Variants in ZCCHC17 observed in about 807,000 individuals in gnomAD.
ZCCHC17 encodes zinc finger CCHC domain-containing protein 17.
Under a neutral mutation model 30.6 loss-of-function variants are expected in ZCCHC17, and 18 were observed. The observed-to-expected ratio is 0.59, with a 90% CI of 0.41 to 0.87. The LOEUF (loss-of-function observed/expected upper bound fraction) is 0.87. Ranked by LOEUF, ZCCHC17 falls within the 40% of genes least tolerant of loss-of-function variation. ZCCHC17 has a pLI of 0.00. For synonymous variants in ZCCHC17, 88 were observed against 92.4 expected (o/e 0.95, Z 0.27); for missense variants, 263 against 284.2 (o/e 0.93, Z 0.54).
intron 1 of ZCCHC17, among the ~76,000 whole-genome samples, chr1:31,301,459 A>G (rs61780094): frequency 0.13 from 20,332 of 152,256 alleles, 1,506 homozygotes; most frequent in Non-Finnish European, 0.15. Flanking sequence ...TCAAGAAGAG[A>G]ATTATTGAAT....
intron 1 of ZCCHC17, among the ~76,000 whole-genome samples, chr1:31,308,039 C>G (rs1557426923): frequency 6.6e-6 from 1 of 152,136 alleles, no homozygotes; most frequent in Admixed American, 6.5e-5. Flanking sequence ...ATTAGTAACT[C>G]CTGTTCTAGC....
chr1:31,321,526 G>A (rs1646861242), intron 3 of ZCCHC17, among the ~76,000 whole-genome samples: 1 of 152,192 alleles, frequency 6.6e-6, no homozygotes, highest in African/African-American at 2.4e-5. Flanking sequence ...CCAGGCTAGA[G>A]TGCAATGGTG....
At position 31,339,002 on chromosome 1, in the gene ZCCHC17, A is replaced by C. The variant is rs368447145; in HGVS notation, c.271A>C (p.Asn91His). 1.2e-6 allele frequency: 2 copies of C among 1,613,062 alleles called. No individual in the cohort carries two copies. The highest frequency in any genetic ancestry group is 1.7e-6 in the Non-Finnish European group (2 of 1,179,762). The change falls in exon 5 of 8, where the codon AAT becomes CAT. Residue 91 changes from asparagine (N) to histidine (H), a missense_variant. Asn to His is a moderately conservative substitution (Grantham distance 68, BLOSUM62 1). Transcript: ENST00000344147. ...AGTATCCCTCTCCATGAAGGTTGTC[A>C]ATCAAGGGACTGGGAAAGACCTTGA... ...IKVSLSMKVV[N>H]QGTGKDLDPN...
intron 1 of ZCCHC17, among the ~76,000 whole-genome samples, chr1:31,303,118 C>T (rs12024386): frequency 8.9e-5 from 13 of 146,222 alleles, no homozygotes; most frequent in African/African-American, 2.8e-4. Flanking sequence ...CTCTACCCCC[C>T]CTCAAAAAAA....
At position 31,318,125 on chromosome 1, in the gene ZCCHC17, G is replaced by A. The variant is rs1012510843; in HGVS notation, c.67-984G>A. 2.1e-6 allele frequency: 3 copies of A among 1,418,706 alleles called. No individual in the cohort carries two copies. The African/African-American group carries it at 4.3e-5, about 20-fold the overall frequency. The allele number at this position is 1,418,706 out of a possible 1,614,324, so 87.9% of individuals were successfully genotyped here. ...AGTATTCAGTATATATTAGTAAATA[G>A]CAGTGCAGTCAGGATTGTTTTATTT... On this transcript the variant is annotated intron_variant, in intron 2 of 7. Transcript: ENST00000344147.
At position 31,312,368 on chromosome 1, in the gene ZCCHC17, G is replaced by A. The variant is rs528610879; in HGVS notation, c.66+2204G>A. 4.6e-5 allele frequency among the ~76,000 whole-genome samples: 7 copies of A among 152,282 alleles called. No individual in the cohort carries two copies. The South Asian group carries it at 1.4e-3, about 32-fold the overall frequency. On this transcript the variant is annotated intron_variant, in intron 2 of 7. Transcript: ENST00000344147. ...GTTTTGTTGTATATCTCAGTCTTAGGTGGATGGGTAGAAAATAGTAAGTGC... is the reference window on the plus strand; with the variant it reads ...GTTTTGTTGTATATCTCAGTCTTAGATGGATGGGTAGAAAATAGTAAGTGC...
chr1:31,305,114 T>C (rs1646419235), intron 1 of ZCCHC17, among the ~76,000 whole-genome samples: 1 of 152,154 alleles, frequency 6.6e-6, no homozygotes, highest in Non-Finnish European at 1.5e-5. Flanking sequence ...AGGAGAGGCT[T>C]CTACCCAACT....
intron 5 of ZCCHC17, among the ~76,000 whole-genome samples, chr1:31,344,125 G>A (rs923301570): frequency 2.0e-5 from 3 of 151,902 alleles, no homozygotes; most frequent in African/African-American, 7.3e-5. Context: ...AAAGTGCTAG[G>A]ATTACAGATG....
At chr1:31,303,932 C>T (rs1292660916) in intron 1 of ZCCHC17, among the ~76,000 whole-genome samples, 4 of 152,174 alleles carry the variant, frequency 2.6e-5, no homozygotes, top group African/African-American at 2.4e-5. Context: ...TTATTCTTCC[C>T]TATATTGCAG....
At chr1:31,320,249 A>G (rs1646830005) in intron 3 of ZCCHC17, among the ~76,000 whole-genome samples, 1 of 152,204 alleles carries the variant, frequency 6.6e-6, no homozygotes, top group Non-Finnish European at 1.5e-5. Context: ...ATACTGAGTG[A>G]AAAAAGCTAA....
chr1:31,297,922 C>T (rs1217539583), intron 1 of ZCCHC17, among the ~76,000 whole-genome samples: 1 of 152,168 alleles, frequency 6.6e-6, no homozygotes, highest in Non-Finnish European at 1.5e-5. Flanking sequence ...GAGTATGGTA[C>T]AAGATGAAGC....
chr1:31,298,070 G>C (rs188305099), intron 1 of ZCCHC17, among the ~76,000 whole-genome samples: 31 of 152,360 alleles, frequency 2.0e-4, no homozygotes, highest in Middle Eastern at 3.4e-3. Flanking sequence ...GGTGTGAACA[G>C]ACGGGGGTTG....
At chr1:31,314,291 C>T (rs937162292) in intron 2 of ZCCHC17, among the ~76,000 whole-genome samples, 2 of 151,978 alleles carry the variant, frequency 1.3e-5, no homozygotes, top group Non-Finnish European at 2.9e-5. Context: ...ATTTCAGTAG[C>T]ATATTTTGAA....
intron 1 of ZCCHC17, among the ~76,000 whole-genome samples, chr1:31,302,227 TAAAAAA>T (rs910503590): frequency 6.6e-6 from 1 of 150,848 alleles, no homozygotes; most frequent in South Asian, 2.1e-4. Flanking sequence ...GACTCCATCT[TAAAAAA>T]AAAGAAAAAA....
chr1:31,316,325 C>T (rs993971324), intron 2 of ZCCHC17, among the ~76,000 whole-genome samples: 14 of 152,330 alleles, frequency 9.2e-5, no homozygotes, highest in Admixed American at 3.9e-4. Flanking sequence ...TGGTCTCGAA[C>T]TCCTGGCCTC....
intron 1 of ZCCHC17, among the ~76,000 whole-genome samples, chr1:31,304,353 G>A (rs1204337451): frequency 6.6e-6 from 1 of 151,188 alleles, no homozygotes; most frequent in African/African-American, 2.4e-5. Flanking sequence ...GCATGATCTC[G>A]GCTCGCTGCA....
At chr1:31,326,748 G>C (rs1638360656) in intron 3 of ZCCHC17, among the ~76,000 whole-genome samples, 1 of 152,176 alleles carries the variant, frequency 6.6e-6, no homozygotes, top group African/African-American at 2.4e-5. Flanking sequence ...AGCCTCAGAG[G>C]GAGAGCTCAG....
At position 31,364,389 on chromosome 1, in the gene ZCCHC17, T is replaced by A. The variant is rs908614543; in HGVS notation, c.*196T>A. The A allele has an allele frequency of 3.2e-6, 3 of 949,540 alleles. No homozygotes were observed. The highest frequency in any genetic ancestry group is 4.6e-6 in the Non-Finnish European group (3 of 654,446). 58.8% of individuals were successfully genotyped at this position (949,540 alleles called of 1,614,324 possible). On this transcript the variant is annotated 3_prime_UTR_variant, in exon 8 of 8. Coordinates refer to ENST00000344147, the MANE Select transcript of ZCCHC17 (RefSeq NM_016505.4). ...AAGCAGCTGCCTGAATGAGTTGTTG[T>A]TTCCTTATCACTCCTGGTCCCTTTG...
At chr1:31,338,586 A>G (rs1162680038) in intron 4 of ZCCHC17, among the ~76,000 whole-genome samples, 1 of 152,208 alleles carries the variant, frequency 6.6e-6, no homozygotes, top group Non-Finnish European at 1.5e-5. Context: ...GTCCAGAAGG[A>G]GATCTAGTCT....
Sources: allele counts gnomAD v4.1 joint callset (sites outside exome capture counted in the v4.1 genomes callset), GRCh38; gene constraint gnomAD v4.1.1; transcripts MANE v1.5; gene names NCBI Gene and HGNC (gene_info 2026-07-23, HGNC 2026-07-21).